Variants in ANK3 observed in about 807,000 individuals in gnomAD.
ANK3 encodes ankyrin 3, also known as ankyrin-3.
Under a neutral mutation model 370.9 loss-of-function variants are expected in ANK3, and 57 were observed. That is an observed-to-expected ratio of 0.15 (90% CI 0.12 to 0.19). The LOEUF is 0.19. Ranked by LOEUF, ANK3 falls within the 10% of genes least tolerant of loss-of-function variation. The pLI, the probability that ANK3 is intolerant of heterozygous loss-of-function variation, is 1.00. For missense variants in ANK3, 4,439 were observed against 5,302.1 expected (o/e 0.84, Z 5.06); for synonymous variants, 1,929 against 1,946.3 (o/e 0.99, Z 0.23).
intron 1 of ANK3, among the ~76,000 whole-genome samples, chr10:60,668,850 G>A (rs1284820942): frequency 1.1e-4 from 16 of 152,028 alleles, no homozygotes; most frequent in Admixed American, 5.2e-4. Flanking sequence ...AAAATTAGCC[G>A]GGCGCGGTGG....
intron 36 of ANK3, among the ~76,000 whole-genome samples, chr10:60,079,397 C>A (rs2084646155): frequency 6.6e-6 from 1 of 152,086 alleles, no homozygotes; most frequent in Admixed American, 6.5e-5. Context: ...ATTGAAACTT[C>A]TCTAATAGTC....
At chr10:60,309,459 A>G (rs192777111) in intron 1 of ANK3, among the ~76,000 whole-genome samples, 4 of 152,282 alleles carry the variant, frequency 2.6e-5, no homozygotes, top group Admixed American at 2.6e-4. Flanking sequence ...TGTCATGCAT[A>G]ATAAGGGCTT....
At chr10:60,622,831 C>T (rs1410456918) in intron 1 of ANK3, among the ~76,000 whole-genome samples, 1 of 152,072 alleles carries the variant, frequency 6.6e-6, no homozygotes, top group Non-Finnish European at 1.5e-5. Flanking sequence ...ACCAACGGAA[C>T]CCAGTCAAAT....
intron 1 of ANK3, among the ~76,000 whole-genome samples, chr10:60,682,599 C>T (rs2079211333): frequency 6.6e-6 from 1 of 152,142 alleles, no homozygotes; most frequent in Non-Finnish European, 1.5e-5. Flanking sequence ...GCCTTTCTGA[C>T]TGAGGGTCTT....
intron 1 of ANK3, among the ~76,000 whole-genome samples, chr10:60,681,261 T>C (rs2079191587): frequency 6.6e-6 from 1 of 152,196 alleles, no homozygotes; most frequent in Non-Finnish European, 1.5e-5. Context: ...TCTTATCATG[T>C]GGCAAAGTCC....
chr10:60,717,046 A>AT (rs564984797), intron 1 of ANK3, among the ~76,000 whole-genome samples: 164 of 152,244 alleles, frequency 1.1e-3, no homozygotes, highest in African/African-American at 3.8e-3. Flanking sequence ...TCCCTTGAGG[A>AT]TTTTTTTATT....
At chr10:60,308,174 TC>T (rs1390114522) in intron 1 of ANK3, among the ~76,000 whole-genome samples, 128 of 152,286 alleles carry the variant, frequency 8.4e-4, no homozygotes, top group African/African-American at 3.0e-3. Context: ...TTTCCTGTGA[TC>T]TTCATTAGAA....
At chr10:60,037,654 T>A (rs982337590) in intron 43 of ANK3, among the ~76,000 whole-genome samples, 1 of 152,200 alleles carries the variant, frequency 6.6e-6, no homozygotes, top group South Asian at 2.1e-4. Flanking sequence ...TAGTATTCCA[T>A]GGTGTATGTG....
chr10:60,254,581 C>T (rs1431848015), intron 7 of ANK3, among the ~76,000 whole-genome samples: 1 of 152,202 alleles, frequency 6.6e-6, no homozygotes, highest in Non-Finnish European at 1.5e-5. Flanking sequence ...CTAGGCTTAG[C>T]CCAGTTAGCC....
intron 14 of ANK3, among the ~76,000 whole-genome samples, chr10:60,198,113 G>C (rs1025517097): frequency 2.6e-5 from 4 of 152,132 alleles, no homozygotes; most frequent in Non-Finnish European, 5.9e-5. Flanking sequence ...TATCAGTAAG[G>C]TTTCATTGGA....
chr10:60,567,164 C>T (rs184156249), intron 2 of ANK3, among the ~76,000 whole-genome samples: 2 of 152,320 alleles, frequency 1.3e-5, no homozygotes, highest in South Asian at 2.1e-4. Context: ...GTAGGCAAGA[C>T]AGCCCTATAC....
intron 1 of ANK3, among the ~76,000 whole-genome samples, chr10:60,689,761 A>AG (rs2079323834): frequency 1.3e-5 from 2 of 151,958 alleles, no homozygotes; most frequent in Admixed American, 6.6e-5. Context: ...TCTCAAAAAA[A>AG]AAAAAAAAGA....
Position 60,440,825 on chromosome 10 carries a change from A to G in ANK3, c.97-161186T>C, listed in dbSNP as rs552612074. Among the ~76,000 whole-genome samples, 5 of 152,336 alleles carry G rather than the reference A, an allele frequency of 3.3e-5. No homozygotes were observed. In the South Asian group the frequency reaches 1.0e-3, roughly 32 times the overall value. On this transcript the variant is annotated intron_variant, in intron 2 of 43. Coordinates refer to the ANK3 transcript ENST00000373827. The stretch of plus-strand genomic sequence containing the variant: ...GTACATAAATTTCATCCAACCACCC[A>G]AATTAATGTAGGAAGTAATGTGTGT...
At chr10:60,316,343 T>A (rs1470243664) in intron 1 of ANK3, among the ~76,000 whole-genome samples, 1 of 152,180 alleles carries the variant, frequency 6.6e-6, no homozygotes, top group Non-Finnish European at 1.5e-5. Flanking sequence ...GTCTCATGGT[T>A]CCCTATGTTA....
At chr10:60,440,088 G>T (rs1352891539) in intron 2 of ANK3, among the ~76,000 whole-genome samples, 1 of 152,100 alleles carries the variant, frequency 6.6e-6, no homozygotes, top group Non-Finnish European at 1.5e-5. Context: ...GTATTCACAA[G>T]TCTGGCTGTT....
chr10:60,091,731 T>G (rs1401735473), intron 28 of ANK3, among the ~76,000 whole-genome samples: 1 of 122,226 alleles, frequency 8.2e-6, no homozygotes, highest in Non-Finnish European at 1.9e-5. Context: ...AATCTGCACA[T>G]TTTTGTTTTT....
intron 42 of ANK3, 68 bp from the exon 43 acceptor site, chr10:60,042,827 G>A (rs1011641825): frequency 5.8e-5 from 92 of 1,591,958 alleles, no homozygotes; most frequent in Non-Finnish European, 7.3e-5. Context: ...AGTCCATTCT[G>A]ATCCTTGGAG....
At chr10:60,584,603 C>CAAGA (rs1399784388) in intron 2 of ANK3, among the ~76,000 whole-genome samples, 3 of 152,080 alleles carry the variant, frequency 2.0e-5, no homozygotes, top group Non-Finnish European at 4.4e-5. Flanking sequence ...GGCAATAGAG[C>CAAGA]AAGACCCCAT....
chr10:60,397,103 G>A (rs779041013), intron 2 of ANK3, among the ~76,000 whole-genome samples: 1 of 151,814 alleles, frequency 6.6e-6, no homozygotes, highest in Non-Finnish European at 1.5e-5. Flanking sequence ...CTCTGTGTAG[G>A]AGGAATGGAG....
Sources: allele counts gnomAD v4.1 joint callset (sites outside exome capture counted in the v4.1 genomes callset), GRCh38; gene constraint gnomAD v4.1.1; transcripts MANE v1.5; gene names NCBI Gene and HGNC (gene_info 2026-07-23, HGNC 2026-07-21).